LHX5: variants seen among roughly 807,000 people sequenced by gnomAD.
LHX5 encodes LIM homeobox 5.
In LHX5, 5 loss-of-function variants were observed where a neutral mutation model predicts 30.6. That is an observed-to-expected ratio of 0.16 (90% confidence interval 0.09 to 0.34). The LOEUF is 0.34. Among genes scored for constraint, LHX5 ranks in the 10% least tolerant of loss-of-function variants. The pLI is 1.00. For synonymous variants in LHX5, 266 were observed against 252.6 expected (o/e 1.05, Z -0.50); for missense variants, 458 against 570.6 (o/e 0.80, Z 2.01).
rs1056764255 is a variant in LHX5, at chr12:113,464,985, C to A, written c.842-1428G>T. On this transcript the variant is annotated intron_variant, in intron 4 of 4. Coordinates refer to ENST00000261731, the MANE Select transcript of LHX5 (RefSeq NM_022363.3). The surrounding 1 kb of genome is among the most constrained non-coding windows in gnomAD (Gnocchi z 6.2). ...AAAGGACCACCTTGTACCAGGCACC[C>A]GCTTTGTACGGCGGGAAAACCAGCG... Among the ~76,000 whole-genome samples the A allele has an allele frequency of 1.3e-5, 2 of 152,096 alleles. No homozygotes were observed. Among genetic ancestry groups the A allele is most frequent in the African/African-American group, 4.8e-5 (2 of 41,412 alleles).
rs759410509 is a variant in LHX5 at position 113,463,301 on chromosome 12, G to A, written c.1098C>T (p.Gly366=). The A allele has an allele frequency of 6.5e-7, 1 of 1,529,986 alleles. No individual in the cohort carries two copies. The highest frequency in any genetic ancestry group is 1.2e-5 in the South Asian group (1 of 82,782). The allele number at this position is 1,529,986 out of a possible 1,614,324, so 94.8% of individuals were successfully genotyped here. Residue 366 remains glycine (G), a synonymous_variant, in exon 5 of 5, where the codon GGC becomes GGT. Coordinates refer to ENST00000261731, the MANE Select transcript of LHX5 (RefSeq NM_022363.3). The surrounding 1 kb of genome is among the most constrained non-coding windows in gnomAD (Gnocchi z 6.7). ...GGCTGGGCCCGCCGCTGAATACCTCGCCGGGCATGGGGTGCAGCGTGCCCG... is the reference window on the plus strand; with the variant it reads ...GGCTGGGCCCGCCGCTGAATACCTCACCGGGCATGGGGTGCAGCGTGCCCG... The part of the protein sequence containing the change: ...GLPGTLHPMP[G]EVFSGGPSPP...
At chr12:113,469,495 T>G in intron 1 of LHX5, 150 bp from the exon 2 acceptor site, 1 of 670,236 alleles carries the variant, frequency 1.5e-6, no homozygotes, top group Non-Finnish European at 2.5e-6. Flanking sequence ...CTGGCCAGAG[T>G]GGGAGAAGTG....
chr12:113,471,287 G>A (rs1364869854), intron 1 of LHX5, 39 bp downstream of exon 1: 5 of 1,603,438 alleles, frequency 3.1e-6, no homozygotes, highest in Middle Eastern at 2.0e-4. Context: ...AGCGCGCGCA[G>A]GGTGGGCGCG....
rs963430564 is a variant in LHX5 at position 113,467,708 on chromosome 12, G to C, written c.676-287C>G. 4.6e-5 allele frequency among the ~76,000 whole-genome samples: 7 copies of C among 152,218 alleles called. No individual in the cohort carries two copies. Among genetic ancestry groups the C allele is most frequent in the Non-Finnish European group, 1.0e-4 (7 of 68,042 alleles). On this transcript the variant is annotated intron_variant, in intron 3 of 4. Transcript: ENST00000261731. This position sits in a 1 kb window ranked among gnomAD's most constrained non-coding sequence, Gnocchi z 6.3. ...ACGGCTCTATAAAGGCCTCCCTCCCGGCACGGCTCTCGCCTCGGCCCCTCG... is the reference window on the plus strand; with the variant it reads ...ACGGCTCTATAAAGGCCTCCCTCCCCGCACGGCTCTCGCCTCGGCCCCTCG...
chr12:113,465,559 T>TG lies in LHX5; in HGVS notation c.841+1696dup, dbSNP rs1771067671. On this transcript the variant is annotated intron_variant, in intron 4 of 4. Transcript: ENST00000261731. This position sits in a 1 kb window ranked among gnomAD's most constrained non-coding sequence, Gnocchi z 6.7. ...TAGGCGGGGCTGCCTCGCTGGGGGCTGGGGAGTCTTCCCCACCATTACGGG... is the reference window on the plus strand; with the variant it reads ...TAGGCGGGGCTGCCTCGCTGGGGGCTGGGGGAGTCTTCCCCACCATTACGGG... 6.6e-6 allele frequency among the ~76,000 whole-genome samples: 1 copy of TG among 152,172 alleles called. No homozygotes were observed. Among genetic ancestry groups the TG allele is most frequent in the African/African-American group, 2.4e-5 (1 of 41,460 alleles).
At chr12:113,471,246 G>A in intron 1 of LHX5, 80 bp downstream of exon 1, 1 of 1,433,338 alleles carries the variant, frequency 7.0e-7, no homozygotes, top group South Asian at 1.2e-5. Flanking sequence ...GGATGGGGAT[G>A]GGGGTATCCC....
In LHX5 at chr12:113,463,116, G is replaced by A; in HGVS notation, c.*74C>T. On this transcript the variant is annotated 3_prime_UTR_variant, in exon 5 of 5. Transcript: ENST00000261731. This position sits in a 1 kb window ranked among gnomAD's most constrained non-coding sequence, Gnocchi z 6.7. ...CCACGTCTCCCACCGCGTCTGCGTC[G>A]GGCGTTTTGGTTTCAGGAGGCTGCT... is the stretch of plus-strand genomic sequence containing the variant. The A allele has an allele frequency of 3.1e-6, 4 of 1,276,168 alleles. No individual in the cohort carries two copies. Among genetic ancestry groups the A allele is most frequent in the South Asian group, 1.5e-5 (1 of 64,982 alleles). 79.1% of individuals were successfully genotyped at this position (1,276,168 alleles called of 1,614,324 possible).
chr12:113,467,557 G>T lies in LHX5; in HGVS notation c.676-136C>A. 1.2e-6 allele frequency: 1 copy of T among 813,780 alleles called. No homozygotes were observed. The allele number at this position is 813,780 out of a possible 1,614,324, so 50.4% of individuals were successfully genotyped here. On this transcript the variant is annotated intron_variant, in intron 3 of 4. Coordinates refer to ENST00000261731, the MANE Select transcript of LHX5 (RefSeq NM_022363.3). This position sits in a 1 kb window ranked among gnomAD's most constrained non-coding sequence, Gnocchi z 6.3. ...CAGGACTCCCCCGAGGCGGGGCCGG[G>T]CCGGATTAGGCCGGGAGGGGTGGAG...
rs888718821 is a variant in LHX5, at chr12:113,471,770, C to T, written c.-272G>A. On this transcript the variant is annotated 5_prime_UTR_variant, in exon 1 of 5. Transcript: ENST00000261731. ...CTGTTCCGGGCTTCCCCAGGTATCT[C>T]GGGTGGCTGCTGGCCTCGGCGCTGC... 3.4e-5 allele frequency: 15 copies of T among 445,190 alleles called. No homozygotes were observed. Among genetic ancestry groups the T allele is most frequent in the Non-Finnish European group, 4.7e-5 (12 of 253,420 alleles). The allele number at this position is 445,190 out of a possible 1,614,324, so 27.6% of individuals were successfully genotyped here. A position where few individuals can be genotyped will look rare whatever the true frequency, so the allele number is the denominator to read the frequency against.
In LHX5 at chr12:113,464,440, C is replaced by T. The variant is rs529086934; in HGVS notation, c.842-883G>A. Among the ~76,000 whole-genome samples, 1 of 152,208 alleles carries T rather than the reference C, an allele frequency of 6.6e-6. No homozygotes were observed. Among genetic ancestry groups the T allele is most frequent in the South Asian group, 2.1e-4 (1 of 4,830 alleles). On this transcript the variant is annotated intron_variant, in intron 4 of 4. Coordinates refer to ENST00000261731, the MANE Select transcript of LHX5 (RefSeq NM_022363.3). The surrounding 1 kb of genome is among the most constrained non-coding windows in gnomAD (Gnocchi z 6.2). ...GGGCCGGGCGGGGCGGCCTTGGCGC[C>T]CTAAACTCGGTCCCTGCGCCCTACC...
chr12:113,463,177 C>T lies in LHX5; in HGVS notation c.*13G>A. The T allele has an allele frequency of 6.7e-7, 1 of 1,489,812 alleles. No homozygotes were observed. The allele number at this position is 1,489,812 out of a possible 1,614,324, so 92.3% of individuals were successfully genotyped here. On this transcript the variant is annotated 3_prime_UTR_variant, in exon 5 of 5. Transcript: ENST00000261731. The surrounding 1 kb of genome is among the most constrained non-coding windows in gnomAD (Gnocchi z 6.7). Reference sequence around the variant, plus strand: ...GCCCCCGGGGGCCGAGCGCGGGGGGCGGCCCGGCGGCCTTACCACACGGCG... The same window carrying T: ...GCCCCCGGGGGCCGAGCGCGGGGGGTGGCCCGGCGGCCTTACCACACGGCG...
At position 113,468,361 on chromosome 12, in the gene LHX5, G is replaced by A; in HGVS notation, c.441C>T (p.Asp147=). The A allele has an allele frequency of 3.7e-6, 6 of 1,614,076 alleles. No homozygotes were observed. Among genetic ancestry groups the A allele is most frequent in the Non-Finnish European group, 5.1e-6 (6 of 1,179,930 alleles). Residue 147 remains aspartate (D), a synonymous_variant, in exon 3 of 5, where the codon GAC becomes GAT. Coordinates refer to ENST00000261731, the MANE Select transcript of LHX5 (RefSeq NM_022363.3). ...TCTCTTTGGGGTCGTCCTGCAGTGC[G>A]TCCTGGAGGTCCGGGGACAAACTGC... ...TDRSLSPDLQ[D]ALQDDPKETD... is the part of the protein sequence containing the mutation.
At chr12:113,470,632 G>A (rs1211650601) in intron 1 of LHX5, among the ~76,000 whole-genome samples, 3 of 152,232 alleles carry the variant, frequency 2.0e-5, no homozygotes, top group African/African-American at 7.2e-5. Context: ...AACTCCAGTG[G>A]CTTCCAGGCT....
rs1372615154 is a variant in LHX5, at chr12:113,471,817, G to C, written c.-319C>G. The C allele has an allele frequency of 2.9e-6, 1 of 349,872 alleles. No homozygotes were observed. The highest frequency in any genetic ancestry group is 5.1e-6 in the Non-Finnish European group (1 of 194,522). The allele number at this position is 349,872 out of a possible 1,614,324, so 21.7% of individuals were successfully genotyped here. Reference sequence around the variant, plus strand: ...CTGCGGAGCGGCTTTCCCCGGTGGCGGAGGCGCCGGCACTTTCCCCCACTT... The same window carrying C: ...CTGCGGAGCGGCTTTCCCCGGTGGCCGAGGCGCCGGCACTTTCCCCCACTT... On this transcript the variant is annotated 5_prime_UTR_variant, in exon 1 of 5. Transcript: ENST00000261731.
In LHX5 at chr12:113,462,068, CTT is replaced by C. The variant is rs1340618045; in HGVS notation, c.*1120_*1121del. ...AAGATTTTTTTTTATTAATCTTTCT[CTT>C]TAAAAAAAGTTGATTTTTTTTGTTT... On this transcript the variant is annotated 3_prime_UTR_variant, in exon 5 of 5. Transcript: ENST00000261731. 6.6e-6 allele frequency: 1 copy of C among 151,582 alleles called. No homozygotes were observed. Among genetic ancestry groups the C allele is most frequent in the Non-Finnish European group, 1.5e-5 (1 of 67,938 alleles). 9.4% of individuals were successfully genotyped at this position (151,582 alleles called of 1,614,324 possible).
At position 113,467,290 on chromosome 12, in the gene LHX5, C is replaced by T. The variant is rs1476104273; in HGVS notation, c.807G>A (p.Glu269=). 1 of 1,549,284 alleles carries T rather than the reference C, an allele frequency of 6.5e-7. No homozygotes were observed. The highest frequency in any genetic ancestry group is 8.8e-7 in the Non-Finnish European group (1 of 1,142,548). Residue 269 remains glutamate (E), a synonymous_variant, in exon 4 of 5, where the codon GAG becomes GAA. Transcript: ENST00000261731. This position sits in a 1 kb window ranked among gnomAD's most constrained non-coding sequence, Gnocchi z 6.3. ...RPLGGRLDES[E]MLGSTPYTYY... ...AGGTGTACGGGGTGGACCCCAACAT[C>T]TCAGACTCGTCCAAGCGGCCGCCCA...
At chr12:113,469,094 A>T in intron 2 of LHX5, 28 bp downstream of exon 2, 3 of 1,562,470 alleles carry the variant, frequency 1.9e-6, no homozygotes, top group Non-Finnish European at 2.6e-6. Flanking sequence ...CTAAGGCCTA[A>T]GGCTAGTGAG....
In LHX5 at chr12:113,465,693, T is replaced by C. The variant is rs1958210581; in HGVS notation, c.841+1563A>G. ...GAAGTGGTCCTCGGGGAAACCTTGG[T>C]TAATTATCCAGGCGGGGAAAAATTC... On this transcript the variant is annotated intron_variant, in intron 4 of 4. Transcript: ENST00000261731. The surrounding 1 kb of genome is among the most constrained non-coding windows in gnomAD (Gnocchi z 6.7). 6.6e-6 allele frequency among the ~76,000 whole-genome samples: 1 copy of C among 152,136 alleles called. No homozygotes were observed. The highest frequency in any genetic ancestry group is 6.5e-5 in the Admixed American group (1 of 15,282).
At position 113,464,959 on chromosome 12, in the gene LHX5, G is replaced by C. The variant is rs879310324; in HGVS notation, c.842-1402C>G. On this transcript the variant is annotated intron_variant, in intron 4 of 4. Coordinates refer to ENST00000261731, the MANE Select transcript of LHX5 (RefSeq NM_022363.3). The surrounding 1 kb of genome is among the most constrained non-coding windows in gnomAD (Gnocchi z 6.2). ...GAAGGACTGACGTGGGGGACGTCAC[G>C]AAAGGACCACCTTGTACCAGGCACC... Among the ~76,000 whole-genome samples, 1 of 152,074 alleles carries C rather than the reference G, an allele frequency of 6.6e-6. No individual in the cohort carries two copies. Among genetic ancestry groups the C allele is most frequent in the Non-Finnish European group, 1.5e-5 (1 of 68,018 alleles).
Sources: allele counts gnomAD v4.1 joint callset (sites outside exome capture counted in the v4.1 genomes callset), GRCh38; gene constraint gnomAD v4.1.1; non-coding constraint Gnocchi (gnomAD v3.1); transcripts MANE v1.5; gene names NCBI Gene and HGNC (gene_info 2026-07-23, HGNC 2026-07-21).